PRKCE: variants seen among roughly 807,000 people sequenced by gnomAD.
PRKCE encodes protein kinase C epsilon type.
A neutral mutation model predicts 85.4 loss-of-function variants in PRKCE; 16 were observed. The ratio of observed to expected loss-of-function variants is 0.19; its 90% confidence interval spans 0.13 to 0.28. The LOEUF (loss-of-function observed/expected upper bound fraction) is 0.28. Among genes scored for constraint, PRKCE ranks in the 10% least tolerant of loss-of-function variants. The pLI is 1.00. For missense variants in PRKCE, 573 were observed against 975.2 expected (o/e 0.59, Z 5.49); for synonymous variants, 388 against 371.5 (o/e 1.04, Z -0.51).
intron 13 of PRKCE, among the ~76,000 whole-genome samples, chr2:46,154,393 G>A (rs1021146252): frequency 1.3e-5 from 2 of 151,860 alleles, no homozygotes; most frequent in African/African-American, 2.4e-5. Context: ...CTTGCTACTC[G>A]TGGAAATTAC....
chr2:45,771,531 C>A (rs897132054), intron 1 of PRKCE, among the ~76,000 whole-genome samples: 7 of 152,186 alleles, frequency 4.6e-5, no homozygotes, highest in African/African-American at 1.4e-4. Flanking sequence ...CACAACACAG[C>A]ACACACTCTG....
At chr2:45,964,836 T>A (rs1181717155) in intron 2 of PRKCE, among the ~76,000 whole-genome samples, 1 of 152,344 alleles carries the variant, frequency 6.6e-6, no homozygotes, top group East Asian at 1.9e-4. Flanking sequence ...AATGCTGCTG[T>A]GCCTACCGTA....
intron 2 of PRKCE, among the ~76,000 whole-genome samples, chr2:45,975,208 A>T (rs1326046368): frequency 6.6e-6 from 1 of 152,200 alleles, no homozygotes; most frequent in Non-Finnish European, 1.5e-5. Context: ...TCGAGGGTTC[A>T]TTGAGATGTA....
intron 1 of PRKCE, among the ~76,000 whole-genome samples, chr2:45,778,437 A>G (rs978531480): frequency 1.3e-5 from 2 of 152,064 alleles, no homozygotes; most frequent in Non-Finnish European, 1.5e-5. Flanking sequence ...CATTAATACT[A>G]CTTTTCGAGT....
chr2:45,850,073 G>T (rs10169469), intron 2 of PRKCE, among the ~76,000 whole-genome samples: 49,725 of 152,100 alleles, frequency 0.33, 8,466 homozygotes, highest in East Asian at 0.47. Flanking sequence ...GCACAGCAGT[G>T]CCTCTGAAAT....
At chr2:45,984,423 C>T (rs1203251500) in intron 5 of PRKCE, 128 bp from the exon 6 acceptor site, 1 of 1,370,598 alleles carries the variant, frequency 7.3e-7, no homozygotes, top group East Asian at 2.3e-5. Flanking sequence ...GCTTTTAGAG[C>T]CAAGCTAGGG....
At chr2:45,688,839 C>T (rs1159363553) in intron 1 of PRKCE, among the ~76,000 whole-genome samples, 2 of 152,192 alleles carry the variant, frequency 1.3e-5, no homozygotes, top group African/African-American at 2.4e-5. Context: ...TGCTCCTTGT[C>T]CTTGGATCAA....
intron 2 of PRKCE, among the ~76,000 whole-genome samples, chr2:45,935,067 T>TCACACACACA (rs1553453521): frequency 1.2e-3 from 182 of 146,348 alleles, no homozygotes; most frequent in African/African-American, 2.9e-3. Context: ...ACTCTCTCTC[T>TCACACACACA]CACACACACA....
intron 1 of PRKCE, among the ~76,000 whole-genome samples, chr2:45,683,753 C>T (rs505310): frequency 0.34 from 52,219 of 151,996 alleles, 9,285 homozygotes; most frequent in Middle Eastern, 0.41. Context: ...ACAAGATAAA[C>T]GGTCCCAGGC....
intron 10 of PRKCE, among the ~76,000 whole-genome samples, chr2:46,082,312 C>T (rs1008403601): frequency 5.3e-5 from 8 of 151,824 alleles, no homozygotes; most frequent in Non-Finnish European, 1.2e-4. Flanking sequence ...GACAAGTATA[C>T]AGGGAAAAAG....
At chr2:46,130,221 A>G (rs2104400104) in intron 11 of PRKCE, among the ~76,000 whole-genome samples, 1 of 152,284 alleles carries the variant, frequency 6.6e-6, no homozygotes, top group East Asian at 1.9e-4. Flanking sequence ...GTATAATCTA[A>G]TAAGTTACAA....
chr2:45,871,210 G>T (rs1694062787), intron 2 of PRKCE, among the ~76,000 whole-genome samples: 1 of 152,210 alleles, frequency 6.6e-6, no homozygotes, highest in African/African-American at 2.4e-5. Context: ...TGGTCTGTTA[G>T]TCCCACCCTG....
At chr2:46,054,907 G>T (rs755203787) in intron 10 of PRKCE, among the ~76,000 whole-genome samples, 3 of 152,188 alleles carry the variant, frequency 2.0e-5, no homozygotes, top group Non-Finnish European at 4.4e-5. Flanking sequence ...TGACTTTAGA[G>T]GGACAGCTTG....
Position 45,968,631 on chromosome 2 carries a change from A to T in PRKCE, c.413-7798A>T, listed in dbSNP as rs72874367. On this transcript the variant is annotated intron_variant, in intron 2 of 14. Coordinates refer to ENST00000306156, the MANE Select transcript of PRKCE (RefSeq NM_005400.3). Reference sequence around the variant, plus strand: ...TTTGTATCGCAAAGCTATTGAAATAAAAAAGTTTTTTTAGAAAAAGAAATT... The same window carrying T: ...TTTGTATCGCAAAGCTATTGAAATATAAAAGTTTTTTTAGAAAAAGAAATT... Among the ~76,000 whole-genome samples the T allele has an allele frequency of 1.3e-3, 200 of 152,352 alleles. 1 individual carries two copies. The highest frequency in any genetic ancestry group is 4.7e-3 in the African/African-American group (195 of 41,580).
Position 46,159,624 on chromosome 2 carries a change from C to T in PRKCE, c.1939C>T (p.His647Tyr), listed in dbSNP as rs199622971. 317 of 1,595,754 alleles carry T rather than the reference C, an allele frequency of 2.0e-4. No individual in the cohort carries two copies. The African/African-American group carries it at 3.7e-3, about 19-fold the overall frequency. ...CCTGCAGTTCATGACGAAGAATCCC[C>T]ACAAGCGCCTGGGCTGTGTGGCATC... ...ILKAFMTKNP[H>Y]KRLGCVASQN... Residue 647 changes from histidine (H) to tyrosine (Y), a missense_variant, in exon 14 of 15, where the codon CAC (histidine) becomes TAC (tyrosine). His to Tyr is a moderately conservative substitution (Grantham distance 83, BLOSUM62 2). This residue lies in a region of PRKCE where 72 missense variants were observed against 166.0 expected (regional missense o/e 0.43). Coordinates refer to ENST00000306156, the MANE Select transcript of PRKCE (RefSeq NM_005400.3). This position sits in a 1 kb window ranked among gnomAD's most constrained non-coding sequence, Gnocchi z 4.1.
At chr2:45,984,907 G>A (rs1416069986) in intron 6 of PRKCE, among the ~76,000 whole-genome samples, 3 of 152,190 alleles carry the variant, frequency 2.0e-5, no homozygotes, top group Non-Finnish European at 2.9e-5. Flanking sequence ...GAGGAGGGCG[G>A]ACTCCACGCC....
intron 2 of PRKCE, among the ~76,000 whole-genome samples, chr2:45,888,319 T>A (rs1695447810): frequency 6.6e-6 from 1 of 152,292 alleles, no homozygotes; most frequent in African/African-American, 2.4e-5. Flanking sequence ...TAAGAAGCTG[T>A]CTTAATTGCC....
At chr2:45,763,937 C>G (rs1684713720) in intron 1 of PRKCE, among the ~76,000 whole-genome samples, 1 of 152,184 alleles carries the variant, frequency 6.6e-6, no homozygotes, top group African/African-American at 2.4e-5. Context: ...GATCTGACAT[C>G]CTTTTACCTA....
At position 46,139,162 on chromosome 2, in the gene PRKCE, G is replaced by A. The variant is rs537065128; in HGVS notation, c.1593-5931G>A. ...GCTATCACCATTATTACTTAGCATT[G>A]TTCTTGAGGTTGCAGTCAACACAAT... is the stretch of plus-strand genomic sequence containing the variant. On this transcript the variant is annotated intron_variant, in intron 11 of 14. Coordinates refer to ENST00000306156, the MANE Select transcript of PRKCE (RefSeq NM_005400.3). The surrounding 1 kb of genome is among the most constrained non-coding windows in gnomAD (Gnocchi z 5.2). 1.0e-3 allele frequency among the ~76,000 whole-genome samples: 154 copies of A among 152,278 alleles called. 1 individual carries two copies. In the Middle Eastern group the frequency reaches 0.01, roughly 10 times the overall value.
Sources: allele counts gnomAD v4.1 joint callset (sites outside exome capture counted in the v4.1 genomes callset), GRCh38; gene constraint gnomAD v4.1.1; regional missense constraint gnomAD v4.1.1; non-coding constraint Gnocchi (gnomAD v3.1); transcripts MANE v1.5; gene names NCBI Gene and HGNC (gene_info 2026-07-23, HGNC 2026-07-21).